Variants in PALM2AKAP2 observed in about 807,000 individuals in gnomAD.
PALM2AKAP2 encodes the protein PALM2-AKAP2 fusion protein.
Under a neutral mutation model 71.5 loss-of-function variants are expected in PALM2AKAP2, and 37 were observed. That is an observed-to-expected ratio of 0.52 (90% CI 0.40 to 0.68). PALM2AKAP2 has a LOEUF of 0.68. Among genes scored for constraint, PALM2AKAP2 ranks in the 30% least tolerant of loss-of-function variants. The probability of loss-of-function intolerance (pLI) is 0.00; values close to 1 mark genes in which losing one functional copy is unlikely to be tolerated. For synonymous variants in PALM2AKAP2, 468 were observed against 478.8 expected, an observed-to-expected ratio of 0.98 and a Z score of 0.29; for missense variants, 1,224 against 1,191.8, an observed-to-expected ratio of 1.03 and a Z score of -0.40.
chr9:110,024,635 T>G (rs1833140920), intron 7 of PALM2AKAP2, among the ~76,000 whole-genome samples: 2 of 151,996 alleles, frequency 1.3e-5, no homozygotes, highest in South Asian at 4.2e-4. Context: ...AATACAAAAA[T>G]TAGCTGGATG....
chr9:109,946,435 C>T (rs1228685807), intron 6 of PALM2AKAP2: 1 of 152,050 alleles, frequency 6.6e-6, no homozygotes, highest in African/African-American at 2.4e-5. Context: ...CACCTGTAAT[C>T]TCGGCACTTT....
chr9:109,837,641 A>G (rs1245858690), intron 1 of PALM2AKAP2, among the ~76,000 whole-genome samples: 4 of 152,306 alleles, frequency 2.6e-5, no homozygotes, highest in African/African-American at 9.6e-5. Flanking sequence ...CCCATCTCAT[A>G]TGCAGAGACA....
chr9:109,734,235 T>C (rs1828596711), intron 1 of PALM2AKAP2, among the ~76,000 whole-genome samples: 1 of 152,140 alleles, frequency 6.6e-6, no homozygotes, highest in Non-Finnish European at 1.5e-5. Flanking sequence ...GTTTTAAGAA[T>C]TTGTAGTCAT....
chr9:110,094,382 T>C (rs986462270), intron 1 of PALM2AKAP2, among the ~76,000 whole-genome samples: 1 of 152,230 alleles, frequency 6.6e-6, no homozygotes, highest in African/African-American at 2.4e-5. Context: ...AGGCTCTCTG[T>C]ATTAGTTAGT....
chr9:110,107,638 C>T (rs144412437), intron 1 of PALM2AKAP2, among the ~76,000 whole-genome samples: 64 of 152,312 alleles, frequency 4.2e-4, no homozygotes, highest in Non-Finnish European at 7.6e-4. Flanking sequence ...GCCATCTCAG[C>T]TCACTGCAAC....
At chr9:109,925,593 G>A (rs1830940178) in intron 5 of PALM2AKAP2, among the ~76,000 whole-genome samples, 2 of 152,052 alleles carry the variant, frequency 1.3e-5, no homozygotes, top group African/African-American at 4.8e-5. Flanking sequence ...TAGAAACAGG[G>A]CTGGGCAAAA....
At chr9:110,152,586 G>A (rs1031132421) in intron 2 of PALM2AKAP2, among the ~76,000 whole-genome samples, 1 of 152,188 alleles carries the variant, frequency 6.6e-6, no homozygotes, top group Non-Finnish European at 1.5e-5. Context: ...CTGTGGCACA[G>A]ACTATTTGCA....
intron 1 of PALM2AKAP2, among the ~76,000 whole-genome samples, chr9:109,815,350 ATG>A (rs1768427113): frequency 6.6e-6 from 1 of 152,206 alleles, no homozygotes; most frequent in South Asian, 2.1e-4. Flanking sequence ...AGGAAATAAC[ATG>A]TAGGTATGGA....
intron 6 of PALM2AKAP2, among the ~76,000 whole-genome samples, chr9:109,979,072 C>T (rs1246100830): frequency 1.3e-5 from 2 of 151,910 alleles, no homozygotes; most frequent in Non-Finnish European, 2.9e-5. Context: ...TCACTGCAAC[C>T]TCCTCCGCCT....
At chr9:110,088,703 G>GTTTTGTTTTTTTTTTTTT (rs1834628901) in intron 1 of PALM2AKAP2, among the ~76,000 whole-genome samples, 1 of 75,574 alleles carries the variant, frequency 1.3e-5, no homozygotes, top group African/African-American at 4.0e-5. Context: ...GCATTTACGT[G>GTTTTGTTTTTTTTTTTTT]TTTTTTTTTT....
At chr9:109,719,919 T>A (rs1250203654) in intron 1 of PALM2AKAP2, among the ~76,000 whole-genome samples, 1 of 152,116 alleles carries the variant, frequency 6.6e-6, no homozygotes, top group African/African-American at 2.4e-5. Context: ...CAGAATTTGC[T>A]CTAGAATGGA....
At chr9:110,120,025 C>T (rs1165685183) in intron 1 of PALM2AKAP2, among the ~76,000 whole-genome samples, 2 of 152,198 alleles carry the variant, frequency 1.3e-5, no homozygotes, top group Admixed American at 6.5e-5. Flanking sequence ...GAACTCTACA[C>T]CCCTTTTGCA....
intron 6 of PALM2AKAP2, among the ~76,000 whole-genome samples, chr9:109,997,020 C>T (rs1434712747): frequency 1.3e-5 from 2 of 152,070 alleles, no homozygotes. Flanking sequence ...GAGACCCCAT[C>T]TCTACTAAAA....
chr9:110,068,412 C>A (rs1834130940), intron 1 of PALM2AKAP2, among the ~76,000 whole-genome samples: 1 of 148,864 alleles, frequency 6.7e-6, no homozygotes, highest in South Asian at 2.1e-4. Context: ...TAATATCATG[C>A]AAATAATGAG....
chr9:109,726,314 T>G (rs1193731675), intron 1 of PALM2AKAP2, among the ~76,000 whole-genome samples: 1 of 152,198 alleles, frequency 6.6e-6, no homozygotes, highest in African/African-American at 2.4e-5. Context: ...TGGCAGCTGA[T>G]GCCTTCAGTT....
chr9:110,146,107 C>T (rs1253047479), intron 2 of PALM2AKAP2, among the ~76,000 whole-genome samples: 1 of 151,882 alleles, frequency 6.6e-6, no homozygotes, highest in Non-Finnish European at 1.5e-5. Context: ...ACCGTGTTAG[C>T]CAGGATGGTC....
intron 1 of PALM2AKAP2, 86 bp from the exon 2 acceptor site, chr9:109,867,405 T>C: frequency 7.4e-7 from 1 of 1,352,630 alleles, no homozygotes; most frequent in Non-Finnish European, 1.0e-6. Context: ...TACAGATGTG[T>C]GCTGCTGCTG....
chr9:109,712,673 G>A (rs1828259688), intron 1 of PALM2AKAP2, among the ~76,000 whole-genome samples: 1 of 152,218 alleles, frequency 6.6e-6, no homozygotes. Context: ...TTAGGTGTTA[G>A]TAGAAGGAGG....
At position 109,826,772 on chromosome 9, in the gene PALM2AKAP2, C is replaced by T. The variant is rs182088157; in HGVS notation, c.46-40719C>T. Reference sequence around the variant, plus strand: ...AATGGAGAGTGGATGTGTCTGGCAGCACCTCTTCTTATTCTTATCATCTTA... The same window carrying T: ...AATGGAGAGTGGATGTGTCTGGCAGTACCTCTTCTTATTCTTATCATCTTA... On this transcript the variant is annotated intron_variant, in intron 1 of 9. Coordinates refer to the PALM2AKAP2 transcript ENST00000302798. Among the ~76,000 whole-genome samples the T allele has an allele frequency of 4.1e-3, 617 of 152,246 alleles. 6 individuals are homozygous for T. The highest frequency in any genetic ancestry group is 0.014 in the African/African-American group (577 of 41,546).
Sources: gnomAD v4.1 joint callset for allele counts (sites outside exome capture counted in the v4.1 genomes callset) on GRCh38, gnomAD v4.1.1 for gene constraint, MANE v1.5 for transcripts, NCBI Gene and HGNC (gene_info 2026-07-23, HGNC 2026-07-21) for gene names.